SESTD1: variants seen among roughly 807,000 people sequenced by gnomAD.
SESTD1 encodes SEC14 domain and spectrin repeat-containing protein 1.
Under a neutral mutation model 101.7 loss-of-function variants are expected in SESTD1, and 43 were observed. The ratio of observed to expected loss-of-function variants is 0.42; its 90% confidence interval spans 0.33 to 0.55. SESTD1 has a LOEUF of 0.55. Among genes scored for constraint, SESTD1 ranks in the 20% least tolerant of loss-of-function variants. SESTD1 has a pLI of 0.07. For missense variants in SESTD1, 647 were observed against 815.1 expected, an observed-to-expected ratio of 0.79 and a Z score of 2.51; for synonymous variants, 283 against 286.8, an observed-to-expected ratio of 0.99 and a Z score of 0.13.
At chr2:179,197,925 C>T (rs931272509) in intron 1 of SESTD1, among the ~76,000 whole-genome samples, 1 of 151,330 alleles carries the variant, frequency 6.6e-6, no homozygotes, top group African/African-American at 2.4e-5. Context: ...AACCAGCTAA[C>T]ATCATAATGA....
At chr2:179,247,575 C>G (rs1169507484) in intron 1 of SESTD1, among the ~76,000 whole-genome samples, 1 of 150,016 alleles carries the variant, frequency 6.7e-6, no homozygotes, top group Non-Finnish European at 1.5e-5. Context: ...CAGGCATGTA[C>G]CACCACACCT....
rs1017157579 is a variant in SESTD1, at chr2:179,215,563, A to C, written c.-25-23697T>G. ...CACAGCCGAATTCTAACAGGGGTAC[A>C]AAGAGGAGCTGGTACCATTCCTTCT... On this transcript the variant is annotated intron_variant, in intron 1 of 17. Coordinates refer to ENST00000428443, the MANE Select transcript of SESTD1 (RefSeq NM_178123.5). 1.0e-4 allele frequency among the ~76,000 whole-genome samples: 14 copies of C among 134,498 alleles called. 4 individuals carry two copies. Among genetic ancestry groups the C allele is most frequent in the African/African-American group, 2.7e-4 (9 of 33,932 alleles). 88.2% of individuals were successfully genotyped at this position (134,498 alleles called of 152,430 possible).
At chr2:179,176,883 GAAGT>G (rs1409211799) in intron 3 of SESTD1, among the ~76,000 whole-genome samples, 2 of 152,214 alleles carry the variant, frequency 1.3e-5, no homozygotes, top group Admixed American at 6.5e-5. Flanking sequence ...GGATCACAGT[GAAGT>G]AAGTTACTAA....
intron 10 of SESTD1, among the ~76,000 whole-genome samples, chr2:179,131,486 A>C (rs919700752): frequency 6.6e-6 from 1 of 152,098 alleles, no homozygotes; most frequent in Non-Finnish European, 1.5e-5. Context: ...CATTTTGACC[A>C]CCTTTTTTAA....
rs1355451750 is a variant in SESTD1 at position 179,104,827 on chromosome 2, A to C, written c.*5072T>G. On this transcript the variant is annotated 3_prime_UTR_variant, in exon 18 of 18. Coordinates refer to ENST00000428443, the MANE Select transcript of SESTD1 (RefSeq NM_178123.5). ...TTAAAAATGTGCCCACTGCTTTCAA[A>C]ATATTTCATCATAGTTCTGGCTGTC... The C allele has an allele frequency of 2.0e-5, 3 of 152,142 alleles. No homozygotes were observed. The highest frequency in any genetic ancestry group is 4.4e-5 in the Non-Finnish European group (3 of 68,018). 9.4% of individuals were successfully genotyped at this position (152,142 alleles called of 1,614,324 possible).
At chr2:179,219,666 C>G (rs930559634) in intron 1 of SESTD1, among the ~76,000 whole-genome samples, 3 of 152,198 alleles carry the variant, frequency 2.0e-5, no homozygotes, top group Non-Finnish European at 2.9e-5. Flanking sequence ...CATTATTCAA[C>G]TTTAGGATAA....
rs958723140 is a variant in SESTD1, at chr2:179,102,322, T to C, written c.*7577A>G. Reference sequence around the variant, plus strand: ...TTTAATGAAAGGTTTTAGGTAACACTGTTAGAAACAATTTAAACCTTTACA... The same window carrying C: ...TTTAATGAAAGGTTTTAGGTAACACCGTTAGAAACAATTTAAACCTTTACA... On this transcript the variant is annotated 3_prime_UTR_variant, in exon 18 of 18. Coordinates refer to ENST00000428443, the MANE Select transcript of SESTD1 (RefSeq NM_178123.5). The C allele has an allele frequency of 1.3e-5, 2 of 152,144 alleles. No homozygotes were observed. Among genetic ancestry groups the C allele is most frequent in the African/African-American group, 4.8e-5 (2 of 41,432 alleles). The allele number at this position is 152,144 out of a possible 1,614,324, so 9.4% of individuals were successfully genotyped here.
At chr2:179,231,456 A>T (rs2046986352) in intron 1 of SESTD1, among the ~76,000 whole-genome samples, 3 of 151,998 alleles carry the variant, frequency 2.0e-5, no homozygotes, top group Non-Finnish European at 4.4e-5. Context: ...GAGGACATTT[A>T]AAAAAGGCAT....
intron 1 of SESTD1, among the ~76,000 whole-genome samples, chr2:179,207,183 A>G (rs1360993160): frequency 7.5e-6 from 1 of 134,120 alleles, no homozygotes; most frequent in African/African-American, 3.0e-5. Context: ...AAACCAAAGT[A>G]CTCATCCTGG....
At chr2:179,199,971 G>C (rs925709460) in intron 1 of SESTD1, among the ~76,000 whole-genome samples, 1 of 152,068 alleles carries the variant, frequency 6.6e-6, no homozygotes, top group South Asian at 2.1e-4. Flanking sequence ...ATTAGGAAAA[G>C]GGGAAGTCAA....
At chr2:179,145,552 A>G (rs552143105) in intron 8 of SESTD1, among the ~76,000 whole-genome samples, 48 of 152,358 alleles carry the variant, frequency 3.2e-4, no homozygotes, top group African/African-American at 1.1e-3. Flanking sequence ...AATTGGAAAA[A>G]ATTACAATTT....
chr2:179,233,713 G>A (rs760901532), intron 1 of SESTD1, among the ~76,000 whole-genome samples: 10 of 152,200 alleles, frequency 6.6e-5, no homozygotes, highest in Non-Finnish European at 1.3e-4. Context: ...CTCAGCATCT[G>A]AAAGTGCTGG....
Position 179,183,077 on chromosome 2 carries a change from C to T in SESTD1, c.164+3G>A. ...ATTTAAGAAAAGACACCTTTAGAGT[C>T]ACCTTGGAATGCTGAGTAGGTAGTC... On this transcript the variant is annotated splice_donor_region_variant and intron_variant, in intron 3 of 17. Transcript: ENST00000428443. The T allele has an allele frequency of 6.3e-7, 1 of 1,584,154 alleles. No individual in the cohort carries two copies. The highest frequency in any genetic ancestry group is 1.2e-5 in the South Asian group (1 of 86,720).
chr2:179,121,695 T>A (rs1167510709), intron 13 of SESTD1, 75 bp downstream of exon 13: 2 of 1,325,548 alleles, frequency 1.5e-6, no homozygotes, highest in Non-Finnish European at 2.0e-6. Context: ...TGTCTGTATA[T>A]AAAATGTTAT....
At chr2:179,170,151 T>C (rs1575458834) in intron 5 of SESTD1, among the ~76,000 whole-genome samples, 1 of 151,008 alleles carries the variant, frequency 6.6e-6, no homozygotes, top group Non-Finnish European at 1.5e-5. Flanking sequence ...TCTCAGATTA[T>C]GACAACAAAA....
At chr2:179,168,537 A>C (rs983240206) in intron 5 of SESTD1, among the ~76,000 whole-genome samples, 1 of 152,150 alleles carries the variant, frequency 6.6e-6, no homozygotes, top group African/African-American at 2.4e-5. Context: ...AAAAAAAAAA[A>C]CTTGAAAATA....
intron 5 of SESTD1, among the ~76,000 whole-genome samples, chr2:179,171,176 C>T (rs1463069101): frequency 1.3e-5 from 2 of 152,072 alleles, no homozygotes; most frequent in Admixed American, 6.6e-5. Flanking sequence ...TCAGAACTCT[C>T]AGAACTACAC....
At chr2:179,116,573 C>A (rs745922968) in intron 15 of SESTD1, 95 bp downstream of exon 15, 4 of 1,583,840 alleles carry the variant, frequency 2.5e-6, no homozygotes, top group Non-Finnish European at 3.5e-6. Context: ...ACAAAACTAA[C>A]CTTCTTGTAC....
In SESTD1 at chr2:179,261,740, T is replaced by A. The variant is rs139361360; in HGVS notation, c.-26+2759A>T. On this transcript the variant is annotated intron_variant, in intron 1 of 17. Transcript: ENST00000428443. ...TAACCCTTCTAGCAATGTAGAAGGGTTACCCTAGAAAATGGAACCCTACAT... is the reference window on the plus strand; with the variant it reads ...TAACCCTTCTAGCAATGTAGAAGGGATACCCTAGAAAATGGAACCCTACAT... Among the ~76,000 whole-genome samples the A allele has an allele frequency of 3.2e-3, 492 of 151,864 alleles. 5 individuals are homozygous for A. The highest frequency in any genetic ancestry group is 0.011 in the African/African-American group (467 of 41,410).
Sources: allele counts gnomAD v4.1 joint callset (sites outside exome capture counted in the v4.1 genomes callset), GRCh38; gene constraint gnomAD v4.1.1; transcripts MANE v1.5; gene names NCBI Gene and HGNC (gene_info 2026-07-23, HGNC 2026-07-21).